Variants in EPHA10 observed in about 807,000 individuals in gnomAD.
EPHA10 encodes the protein EPH receptor A10, also known as ephrin type-A receptor 10.
In EPHA10, 120 loss-of-function variants were observed where a neutral mutation model predicts 109.7. The observed-to-expected ratio is 1.09, with a 90% CI of 0.94 to 1.27. EPHA10 has a LOEUF of 1.27. Among genes scored for constraint, EPHA10 ranks in the 50% most tolerant of loss-of-function variants. The pLI, the probability that EPHA10 is intolerant of heterozygous loss-of-function variation, is 0.00. For synonymous variants in EPHA10, 640 were observed against 618.9 expected, an observed-to-expected ratio of 1.03 and a Z score of -0.51; for missense variants, 1,396 against 1,411.1, an observed-to-expected ratio of 0.99 and a Z score of 0.17.
intron 5 of EPHA10, among the ~76,000 whole-genome samples, chr1:37,736,242 C>T (rs185833717): frequency 4.6e-5 from 7 of 152,038 alleles, no homozygotes; most frequent in Admixed American, 6.6e-5. Flanking sequence ...GACGTCAGGT[C>T]GAGGCAGGTG....
At chr1:37,736,191 G>A (rs1478293641) in intron 5 of EPHA10, among the ~76,000 whole-genome samples, 1 of 151,876 alleles carries the variant, frequency 6.6e-6, no homozygotes, top group African/African-American at 2.4e-5. Flanking sequence ...GGTGGTTCAT[G>A]AGGTCAAGAG....
intron 15 of EPHA10, 120 bp downstream of exon 15, chr1:37,719,294 T>C (rs1391462155): frequency 1.3e-5 from 15 of 1,170,236 alleles, no homozygotes; most frequent in African/African-American, 3.0e-5. Context: ...TCTGGGGCAA[T>C]GGGGTGAACA....
At position 37,724,672 on chromosome 1, in the gene EPHA10, C is replaced by T. The variant is rs552736383; in HGVS notation, c.1773-1300G>A. ...GATGAGAGACCAAGGGAGGAGTTTC[C>T]GAAGTTTTCACAACAGAGATGATCA... is the stretch of plus-strand genomic sequence containing the variant. On this transcript the variant is annotated intron_variant, in intron 8 of 16. Transcript: ENST00000373048. 7.2e-5 allele frequency among the ~76,000 whole-genome samples: 11 copies of T among 152,156 alleles called. No homozygotes were observed. The South Asian group carries it at 1.7e-3, about 23-fold the overall frequency.
intron 5 of EPHA10, among the ~76,000 whole-genome samples, chr1:37,751,696 A>T (rs911389199): frequency 6.7e-6 from 1 of 148,976 alleles, no homozygotes; most frequent in Non-Finnish European, 1.5e-5. Flanking sequence ...ACATGGTGAA[A>T]CCCCGTCTCT....
intron 6 of EPHA10, among the ~76,000 whole-genome samples, chr1:37,733,180 A>G (rs904195843): frequency 1.3e-5 from 2 of 151,344 alleles, no homozygotes; most frequent in African/African-American, 4.9e-5. Context: ...GGCGTGCACC[A>G]CCACGCCCGG....
At chr1:37,760,113 CT>C (rs1168663220) in intron 3 of EPHA10, among the ~76,000 whole-genome samples, 3 of 152,212 alleles carry the variant, frequency 2.0e-5, no homozygotes, top group Admixed American at 2.0e-4. Context: ...ACTTCCTCCC[CT>C]GTCCTCCCAC....
At chr1:37,721,093 G>A (rs986890644) in intron 11 of EPHA10, among the ~76,000 whole-genome samples, 1 of 151,958 alleles carries the variant, frequency 6.6e-6, no homozygotes, top group Non-Finnish European at 1.5e-5. Flanking sequence ...CTCTTTCTAG[G>A]AGTGATATTC....
intron 11 of EPHA10, 24 bp downstream of exon 11, chr1:37,721,636 C>G: frequency 1.3e-6 from 2 of 1,585,060 alleles, no homozygotes; most frequent in Non-Finnish European, 1.7e-6. Context: ...GGCTGGGCAG[C>G]AGGAAGGGAG....
intron 3 of EPHA10, 105 bp downstream of exon 3, chr1:37,761,300 C>T: frequency 1.3e-6 from 2 of 1,542,218 alleles, no homozygotes; most frequent in Non-Finnish European, 1.7e-6. Flanking sequence ...GGCTTCTCCA[C>T]CGCCCCCCGA....
In EPHA10 at chr1:37,721,716, G is replaced by C. The variant is rs183615811; in HGVS notation, c.2090C>G (p.Thr697Arg). The change falls in exon 11 of 17, where the codon ACG becomes AGG. Residue 697 changes from threonine to arginine, a missense_variant. Transcript: ENST00000373048. ...GTGGCTATGGTCAAACTGGCCCAGC[G>C]TGAGGGCCTCGGCCAGGAAGCCGAG... ...QRLGFLAEAL[T>R]LGQFDHSHIV... 15 of 1,612,488 alleles carry C rather than the reference G, an allele frequency of 9.3e-6. No individual in the cohort carries two copies. Among genetic ancestry groups the C allele is most frequent in the Non-Finnish European group, 1.3e-5 (15 of 1,179,868 alleles).
At chr1:37,720,254 G>A in intron 13 of EPHA10, 97 bp downstream of exon 13, 1 of 1,428,836 alleles carries the variant, frequency 7.0e-7, no homozygotes, top group Non-Finnish European at 9.4e-7. Flanking sequence ...ACTGGGTGGA[G>A]GGGCAGGGAA....
In EPHA10 at chr1:37,761,607, C is replaced by G; in HGVS notation, c.648G>C (p.Arg216=). Residue 216 remains arginine (R), a synonymous_variant, in exon 3 of 17, where the codon CGG becomes CGC. Transcript: ENST00000373048. ...VYYKQCRATV[R]GLATFPATAA... is the part of the protein sequence containing the mutation. ...CGGTGGCTGGGAACGTGGCCAGGCC[C>G]CGCACGGTGGCGCGGCACTGCTTGT... is the stretch of plus-strand genomic sequence containing the variant. The G allele has an allele frequency of 6.2e-7, 1 of 1,602,780 alleles. No homozygotes were observed.
At chr1:37,730,552 G>A (rs781359078) in intron 7 of EPHA10, among the ~76,000 whole-genome samples, 3 of 152,168 alleles carry the variant, frequency 2.0e-5, no homozygotes, top group Non-Finnish European at 4.4e-5. Flanking sequence ...TAAAGGAGGA[G>A]GGAGGAAAGC....
chr1:37,722,778 G>A (rs1359586872), intron 10 of EPHA10: 1 of 596,864 alleles, frequency 1.7e-6, no homozygotes, highest in Admixed American at 2.2e-5. Context: ...GGACTAAACT[G>A]CCAGTGGCAG....
chr1:37,747,074 C>T (rs1024573981), intron 5 of EPHA10, among the ~76,000 whole-genome samples: 2 of 151,908 alleles, frequency 1.3e-5, no homozygotes, highest in African/African-American at 4.8e-5. Flanking sequence ...ATCACTGAAC[C>T]GTATACTTCA....
At chr1:37,760,604 C>T (rs542182241) in intron 3 of EPHA10, 1 of 266,376 alleles carries the variant, frequency 3.8e-6, no homozygotes, top group East Asian at 6.6e-5. Context: ...TGCAACCAAT[C>T]CCACTAGCCT....
chr1:37,736,380 GGAA>G (rs1329574104), intron 5 of EPHA10, among the ~76,000 whole-genome samples: 18 of 150,384 alleles, frequency 1.2e-4, no homozygotes, highest in African/African-American at 4.4e-4. Flanking sequence ...GGGAGGCTGA[GGAA>G]GAAGATCAGT....
intron 7 of EPHA10, among the ~76,000 whole-genome samples, chr1:37,728,520 G>A (rs958573949): frequency 5.3e-5 from 8 of 152,200 alleles, no homozygotes; most frequent in African/African-American, 1.9e-4. Flanking sequence ...CAGCTTCCGC[G>A]TGGGACACAG....
At chr1:37,735,699 C>G (rs631432) in intron 5 of EPHA10, among the ~76,000 whole-genome samples, 1 of 151,808 alleles carries the variant, frequency 6.6e-6, no homozygotes, top group Non-Finnish European at 1.5e-5. Context: ...TCATGGTGGT[C>G]GGCTCTAATC....
Sources: allele counts gnomAD v4.1 joint callset (sites outside exome capture counted in the v4.1 genomes callset), GRCh38; gene constraint gnomAD v4.1.1; transcripts MANE v1.5; gene names NCBI Gene and HGNC (gene_info 2026-07-23, HGNC 2026-07-21).